Variants in ECT2L observed in about 807,000 individuals in gnomAD.
ECT2L encodes epithelial cell-transforming sequence 2 oncogene-like.
Under a neutral mutation model 122.8 loss-of-function variants are expected in ECT2L, and 126 were observed. The ratio of observed to expected loss-of-function variants is 1.03; its 90% CI spans 0.89 to 1.19. The LOEUF is 1.19. ECT2L is among the 50% of genes most tolerant of loss of function. The pLI is 0.00. For missense variants in ECT2L, 1,012 were observed against 1,064.1 expected, an observed-to-expected ratio of 0.95 and a Z score of 0.68; for synonymous variants, 385 against 381.8, an observed-to-expected ratio of 1.01 and a Z score of -0.10.
chr6:138,885,361 A>G (rs912254915), intron 16 of ECT2L, 145 bp from the exon 17 acceptor site: 6 of 710,440 alleles, frequency 8.4e-6, no homozygotes, highest in Non-Finnish European at 1.4e-5. Flanking sequence ...GAAGACACCA[A>G]TGGCACTACT....
chr6:138,833,687 A>G (rs952762530), intron 4 of ECT2L, among the ~76,000 whole-genome samples: 2 of 152,178 alleles, frequency 1.3e-5, no homozygotes, highest in Non-Finnish European at 2.9e-5. Flanking sequence ...CTGTAATCCC[A>G]GCTGCTCAGG....
intron 4 of ECT2L, among the ~76,000 whole-genome samples, chr6:138,836,366 G>A (rs1776839925): frequency 1.4e-5 from 2 of 146,578 alleles, no homozygotes; most frequent in Non-Finnish European, 3.0e-5. Flanking sequence ...TCGGCTCACT[G>A]CAACCTCCAC....
intron 9 of ECT2L, among the ~76,000 whole-genome samples, chr6:138,852,283 A>C (rs977021966): frequency 1.3e-5 from 2 of 151,672 alleles, no homozygotes; most frequent in Non-Finnish European, 2.9e-5. Flanking sequence ...AAAACAAACC[A>C]AAAACCCCCC....
intron 16 of ECT2L, among the ~76,000 whole-genome samples, 182 bp from the exon 17 acceptor site, chr6:138,885,324 G>A (rs1778779439): frequency 6.6e-6 from 1 of 151,994 alleles, no homozygotes; most frequent in Non-Finnish European, 1.5e-5. Context: ...CATAGCGCCC[G>A]GCCAACACAC....
intron 4 of ECT2L, among the ~76,000 whole-genome samples, chr6:138,832,157 A>T (rs753946972): frequency 2.1e-4 from 32 of 150,080 alleles, no homozygotes; most frequent in Admixed American, 6.0e-4. Context: ...AATTTCAAAA[A>T]CTATATATTT....
At chr6:138,877,658 G>C (rs982543289) in intron 14 of ECT2L, among the ~76,000 whole-genome samples, 6 of 152,200 alleles carry the variant, frequency 3.9e-5, no homozygotes, top group African/African-American at 1.4e-4. Flanking sequence ...AACAAGAAGA[G>C]TTTGGCAGCT....
At chr6:138,798,956 T>C (rs1221666242) in intron 1 of ECT2L, among the ~76,000 whole-genome samples, 1 of 152,216 alleles carries the variant, frequency 6.6e-6, no homozygotes, top group Non-Finnish European at 1.5e-5. Flanking sequence ...CTGTAACCAA[T>C]CCAGCTGTTT....
rs542402147 is a variant in ECT2L at position 138,806,309 on chromosome 6, G to C, written c.-243-6529G>C. On this transcript the variant is annotated intron_variant, in intron 1 of 21. Coordinates refer to ENST00000541398, the MANE Select transcript of ECT2L (RefSeq NM_001077706.3). Reference sequence around the variant, plus strand: ...GCCTCTTAACAATTTTGTGGGCTTTGTATATATGTAATTGTAATTTATTCT... The same window carrying C: ...GCCTCTTAACAATTTTGTGGGCTTTCTATATATGTAATTGTAATTTATTCT... Among the ~76,000 whole-genome samples, 38 of 152,198 alleles carry C rather than the reference G, an allele frequency of 2.5e-4. No individual in the cohort carries two copies. The East Asian group carries it at 6.9e-3, about 28-fold the overall frequency.
chr6:138,852,362 G>C (rs899258561), intron 9 of ECT2L, among the ~76,000 whole-genome samples: 1 of 150,846 alleles, frequency 6.6e-6, no homozygotes, highest in Non-Finnish European at 1.5e-5. Context: ...AAGAGATGAT[G>C]AATGTTTTAG....
At chr6:138,839,075 C>T (rs772987242) in intron 5 of ECT2L, among the ~76,000 whole-genome samples, 4 of 152,102 alleles carry the variant, frequency 2.6e-5, no homozygotes, top group Non-Finnish European at 2.9e-5. Flanking sequence ...CCACCGCACC[C>T]GGCCAAGGAG....
At chr6:138,827,781 A>G (rs543023047) in intron 4 of ECT2L, among the ~76,000 whole-genome samples, 43 of 151,940 alleles carry the variant, frequency 2.8e-4, no homozygotes, top group Middle Eastern at 3.4e-3. Context: ...CTGGTTTCAA[A>G]CTCCTGACCT....
At chr6:138,839,068 C>T (rs1174560369) in intron 5 of ECT2L, among the ~76,000 whole-genome samples, 1 of 152,242 alleles carries the variant, frequency 6.6e-6, no homozygotes, top group Non-Finnish European at 1.5e-5. Flanking sequence ...GCATGAGCCA[C>T]CGCACCCGGC....
chr6:138,827,425 T>TAA (rs2128381625), intron 4 of ECT2L, among the ~76,000 whole-genome samples: 1 of 152,276 alleles, frequency 6.6e-6, no homozygotes, highest in East Asian at 1.9e-4. Context: ...AAGAAGGGCC[T>TAA]AACACATATA....
intron 4 of ECT2L, among the ~76,000 whole-genome samples, chr6:138,837,641 C>CA (rs56775844): frequency 0.22 from 31,066 of 142,406 alleles, 3,809 homozygotes; most frequent in Non-Finnish European, 0.28. Context: ...GCACTGGTCT[C>CA]AAAAAAAAAA....
At chr6:138,850,365 G>A (rs1777394621) in intron 9 of ECT2L, among the ~76,000 whole-genome samples, 1 of 152,082 alleles carries the variant, frequency 6.6e-6, no homozygotes, top group Non-Finnish European at 1.5e-5. Context: ...GGATGGTCTT[G>A]CACTCATGAC....
At chr6:138,801,570 G>A (rs553244729) in intron 1 of ECT2L, among the ~76,000 whole-genome samples, 3 of 152,192 alleles carry the variant, frequency 2.0e-5, no homozygotes, top group African/African-American at 7.2e-5. Context: ...TGGCCAACAT[G>A]GTGAAACCCC....
chr6:138,826,066 T>C (rs1315010735), intron 4 of ECT2L, among the ~76,000 whole-genome samples: 1 of 152,252 alleles, frequency 6.6e-6, no homozygotes, highest in African/African-American at 2.4e-5. Context: ...TCTTGATCGC[T>C]GTTCCACTCA....
At chr6:138,869,001 T>C (rs1243479837) in intron 13 of ECT2L, among the ~76,000 whole-genome samples, 1 of 152,090 alleles carries the variant, frequency 6.6e-6, no homozygotes, top group Non-Finnish European at 1.5e-5. Context: ...ACCCCGTCTC[T>C]ACTAAAAATA....
At chr6:138,799,998 A>C (rs559453744) in intron 1 of ECT2L, among the ~76,000 whole-genome samples, 70 of 152,328 alleles carry the variant, frequency 4.6e-4, no homozygotes, top group Non-Finnish European at 4.0e-4. Context: ...AAGATGTTAA[A>C]TACAACATTT....
Sources: allele counts gnomAD v4.1 joint callset (sites outside exome capture counted in the v4.1 genomes callset), GRCh38; gene constraint gnomAD v4.1.1; transcripts MANE v1.5; gene names NCBI Gene and HGNC (gene_info 2026-07-23, HGNC 2026-07-21).